The following RYR1 variants were observed in gnomAD, a reference collection of about 807,000 sequenced individuals.
The protein encoded by RYR1 is central core disease of muscle.
Under a neutral mutation model 583.5 loss-of-function variants are expected in RYR1, and 342 were observed. The observed-to-expected ratio is 0.59, with a 90% CI of 0.54 to 0.64. RYR1 has a LOEUF of 0.64. Among genes scored for constraint, RYR1 ranks in the 30% least tolerant of loss-of-function variants. The pLI is 0.00. For synonymous variants in RYR1, 2,791 were observed against 2,822.5 expected, an observed-to-expected ratio of 0.99 and a Z score of 0.35; for missense variants, 6,032 against 6,917.2, an observed-to-expected ratio of 0.87 and a Z score of 4.54.
At position 38,506,752 on chromosome 19, in the gene RYR1, G is replaced by A. The variant is rs76375997; in HGVS notation, c.8693-77G>A. 9.0e-4 allele frequency: 1,438 copies of A among 1,600,654 alleles called. 10 individuals are homozygous for A. In the African/African-American group the frequency reaches 0.015, roughly 17 times the overall value. ...TTTATCACCATAATTACGCATGCCG[G>A]GCACTGCAGGAACCACTTCAGTGAG... is the stretch of plus-strand genomic sequence containing the variant. On this transcript the variant is annotated intron_variant, in intron 56 of 105. Coordinates refer to ENST00000359596, the MANE Select transcript of RYR1 (RefSeq NM_000540.3).
intron 1 of RYR1, among the ~76,000 whole-genome samples, chr19:38,439,760 G>A (rs1352979927): frequency 6.6e-6 from 1 of 152,086 alleles, no homozygotes; most frequent in East Asian, 1.9e-4. Context: ...CACCTCCTCG[G>A]CCTCCCAGAG....
chr19:38,475,399 G>A lies in RYR1; in HGVS notation c.4242G>A (p.Val1414=). The part of the protein sequence containing the change: ...TPTLPRLPHD[V]VPADNRDDPE... Reference sequence around the variant, plus strand: ...CGCTGCCCCGACTCCCTCACGACGTGGTGCCTGCAGACAACCGCGATGACC... The same window carrying A: ...CGCTGCCCCGACTCCCTCACGACGTAGTGCCTGCAGACAACCGCGATGACC... The change falls in exon 29 of 106, where the codon GTG becomes GTA. Residue 1414 remains valine, a synonymous_variant. Coordinates refer to ENST00000359596, the MANE Select transcript of RYR1 (RefSeq NM_000540.3). 1.2e-6 allele frequency: 2 copies of A among 1,613,978 alleles called. No homozygotes were observed. Among genetic ancestry groups the A allele is most frequent in the Non-Finnish European group, 1.7e-6 (2 of 1,179,996 alleles).
chr19:38,473,539 G>T lies in RYR1; in HGVS notation c.3928G>T (p.Ala1310Ser). The stretch of plus-strand genomic sequence containing the variant: ...CTGCACTGCAGGGGCCACCCCGCTG[G>T]CACCTCCTGGCCTGCAGCCCCCCGC... ...FRCTAGATPL[A>S]PPGLQPPAED... Residue 1310 changes from alanine (A) to serine (S), a missense_variant, in exon 28 of 106, where the codon GCA (alanine) becomes TCA (serine). By Grantham distance (99) the Ala-to-Ser change is moderately conservative. Transcript: ENST00000359596. 1.2e-6 allele frequency: 2 copies of T among 1,607,716 alleles called. No individual in the cohort carries two copies. The highest frequency in any genetic ancestry group is 1.7e-6 in the Non-Finnish European group (2 of 1,177,808).
intron 11 of RYR1, 111 bp from the exon 12 acceptor site, chr19:38,451,653 T>G: frequency 7.7e-7 from 1 of 1,296,226 alleles, no homozygotes; most frequent in South Asian, 1.2e-5. Context: ...AGTGAGATTC[T>G]GCAGAGCAGG....
intron 63 of RYR1, among the ~76,000 whole-genome samples, chr19:38,514,298 T>G (rs975031045): frequency 6.6e-6 from 1 of 151,088 alleles, no homozygotes; most frequent in South Asian, 2.1e-4. Flanking sequence ...TTTTTTTTTT[T>G]GAGACAGAGT....
chr19:38,558,486 C>CA (rs2145821751), intron 89 of RYR1, among the ~76,000 whole-genome samples: 2 of 152,090 alleles, frequency 1.3e-5, no homozygotes, highest in East Asian at 3.9e-4. Context: ...TATGTACCCA[C>CA]AAAAATGAAA....
intron 92 of RYR1, 99 bp from the exon 93 acceptor site, chr19:38,567,674 C>T: frequency 6.3e-7 from 1 of 1,584,120 alleles, no homozygotes; most frequent in African/African-American, 1.3e-5. Flanking sequence ...CAAACCTGGG[C>T]CAGGCACAGG....
rs115959884 is a variant in RYR1, at chr19:38,488,176, G to A, written c.5548-1001G>A. ...GGCCAACCATCCCCCCACCCTCATG[G>A]CTATTCACTAATTTATCTATTTATC... On this transcript the variant is annotated intron_variant, in intron 34 of 105. Transcript: ENST00000359596. 3.8e-3 allele frequency among the ~76,000 whole-genome samples: 570 copies of A among 151,966 alleles called. 2 individuals carry two copies. Among genetic ancestry groups the A allele is most frequent in the African/African-American group, 0.013 (524 of 41,426 alleles).
Position 38,567,764 on chromosome 19 carries a change from G to A in RYR1, c.13515-9G>A. 6.2e-7 allele frequency: 1 copy of A among 1,614,144 alleles called. No homozygotes were observed. The highest frequency in any genetic ancestry group is 1.1e-5 in the South Asian group (1 of 91,074). On this transcript the variant is annotated splice_polypyrimidine_tract_variant and intron_variant, in intron 92 of 105. Transcript: ENST00000359596. ...GCACCTCCTGACCTCTCTCTGTCCT[G>A]CCCTGCAGTGCCGAGAATGGGGAGA... is the stretch of plus-strand genomic sequence containing the variant.
chr19:38,460,495 G>A lies in RYR1; in HGVS notation c.2481G>A (p.Glu827=). ...RERLHLEPIK[E]YRREGPRGPH... is the part of the protein sequence containing the mutation. ...GACTCCATCTTGAACCCATCAAGGA[G>A]TATCGACGGGAGGGGCCCCGGGGGC... Residue 827 remains glutamate, a synonymous_variant, in exon 20 of 106, where the codon GAG becomes GAA. Coordinates refer to ENST00000359596, the MANE Select transcript of RYR1 (RefSeq NM_000540.3). The A allele has an allele frequency of 6.2e-7, 1 of 1,614,234 alleles. No individual in the cohort carries two copies. The highest frequency in any genetic ancestry group is 8.5e-7 in the Non-Finnish European group (1 of 1,180,038).
At position 38,492,509 on chromosome 19, in the gene RYR1, G is replaced by A; in HGVS notation, c.6147G>A (p.Glu2049=). The A allele has an allele frequency of 6.2e-7, 1 of 1,614,084 alleles. No homozygotes were observed. The highest frequency in any genetic ancestry group is 8.5e-7 in the Non-Finnish European group (1 of 1,179,962). ...LAHCGIQLDG[E]EEEPEEETTL... ...TTCCAGGAATTCAGCTAGATGGAGA[G>A]GAGGAGGAACCAGAGGAAGAGACCA... is the stretch of plus-strand genomic sequence containing the variant. Residue 2049 remains glutamate, a synonymous_variant, in exon 38 of 106, where the codon GAG becomes GAA. Coordinates refer to ENST00000359596, the MANE Select transcript of RYR1 (RefSeq NM_000540.3).
chr19:38,478,627 G>A (rs766604447), intron 31 of RYR1, 27 bp downstream of exon 31: 6 of 1,604,688 alleles, frequency 3.7e-6, no homozygotes, highest in Middle Eastern at 1.7e-4. Flanking sequence ...GCAATTTAGC[G>A]AGAGCATCAT....
chr19:38,489,508 G>A, intron 35 of RYR1, 65 bp downstream of exon 35: 1 of 1,589,800 alleles, frequency 6.3e-7, no homozygotes, highest in Non-Finnish European at 8.6e-7. Context: ...GGGTAGGTGG[G>A]ATGTGAGTCT....
chr19:38,500,906 T>C lies in RYR1; in HGVS notation c.7530T>C (p.Tyr2510=). 1.2e-5 allele frequency: 20 copies of C among 1,614,048 alleles called. No individual in the cohort carries two copies. Among genetic ancestry groups the C allele is most frequent in the Non-Finnish European group, 1.6e-5 (19 of 1,179,978 alleles). ...TGGTGCTCTTCCTGGACCGTGTGTA[T>C]GGCATCGAGAACCAGGACTTCTTGC... ...ASMVLFLDRV[Y]GIENQDFLLH... is the part of the protein sequence containing the mutation. Residue 2510 remains tyrosine (Y), a synonymous_variant, in exon 47 of 106, where the codon TAT becomes TAC. Coordinates refer to ENST00000359596, the MANE Select transcript of RYR1 (RefSeq NM_000540.3). The surrounding 1 kb of genome is among the most constrained non-coding windows in gnomAD (Gnocchi z 5.9).
intron 8 of RYR1, 31 bp from the exon 9 acceptor site, chr19:38,446,663 C>T (rs1038911575): frequency 6.2e-7 from 1 of 1,610,222 alleles, no homozygotes; most frequent in Non-Finnish European, 8.5e-7. Context: ...GGGAGCTGAA[C>T]CCTTGACTTC....
chr19:38,542,146 T>C (rs1282451553), intron 84 of RYR1, among the ~76,000 whole-genome samples: 1 of 150,670 alleles, frequency 6.6e-6, no homozygotes, highest in Non-Finnish European at 1.5e-5. Flanking sequence ...CCTAGAATAC[T>C]GCATGACACA....
intron 27 of RYR1, among the ~76,000 whole-genome samples, chr19:38,472,587 G>C (rs1163618900): frequency 6.6e-6 from 1 of 151,980 alleles, no homozygotes; most frequent in Non-Finnish European, 1.5e-5. Flanking sequence ...GTTTAAAAAG[G>C]GGAAACTTGG....
At chr19:38,438,482 C>G (rs931849091) in intron 1 of RYR1, among the ~76,000 whole-genome samples, 3 of 151,660 alleles carry the variant, frequency 2.0e-5, no homozygotes, top group African/African-American at 7.3e-5. Context: ...CTCGATTTCC[C>G]AGGCTTGGCA....
In RYR1 at chr19:38,486,118, C is replaced by T. The variant is rs753150627; in HGVS notation, c.5463C>T (p.Asp1821=). The T allele has an allele frequency of 1.9e-6, 3 of 1,613,080 alleles. No homozygotes were observed. Among genetic ancestry groups the T allele is most frequent in the Non-Finnish European group, 1.7e-6 (2 of 1,179,822 alleles). The change falls in exon 34 of 106, where the codon GAC becomes GAT. Residue 1821 remains aspartate (D), a synonymous_variant. Coordinates refer to ENST00000359596, the MANE Select transcript of RYR1 (RefSeq NM_000540.3). ...GGATGCTGGGGGAGGCGGTGCGCGACGGTGGGCAGCACGCTCGCGACCCCG... is the reference window on the plus strand; with the variant it reads ...GGATGCTGGGGGAGGCGGTGCGCGATGGTGGGCAGCACGCTCGCGACCCCG... The part of the protein sequence containing the change: ...ALRMLGEAVR[D]GGQHARDPVG...
Sources: gnomAD v4.1 joint callset for allele counts (sites outside exome capture counted in the v4.1 genomes callset) on GRCh38, gnomAD v4.1.1 for gene constraint, Gnocchi (gnomAD v3.1) non-coding constraint, MANE v1.5 for transcripts, NCBI Gene and HGNC (gene_info 2026-07-23, HGNC 2026-07-21) for gene names.